PSMD9: variants seen among roughly 807,000 people sequenced by gnomAD.
PSMD9 encodes 26S proteasome non-ATPase regulatory subunit 9.
In PSMD9, 26 loss-of-function variants were observed where a neutral mutation model predicts 25.9. The ratio of observed to expected loss-of-function variants is 1.00; its 90% CI spans 0.73 to 1.39. PSMD9 has a LOEUF of 1.39. Among genes scored for constraint, PSMD9 ranks in the 40% most tolerant of loss-of-function variants. The pLI is 0.00. For missense variants in PSMD9, 303 were observed against 299.3 expected, an observed-to-expected ratio of 1.01 and a Z score of -0.09; for synonymous variants, 110 against 114.5, an observed-to-expected ratio of 0.96 and a Z score of 0.25.
intron 2 of PSMD9, 44 bp downstream of exon 2, chr12:121,894,885 A>G (rs1390638618): frequency 3.3e-6 from 5 of 1,507,864 alleles, no homozygotes; most frequent in Admixed American, 1.8e-5. Flanking sequence ...TGTGGTGGGA[A>G]GGTGTTAAAG....
intron 4 of PSMD9, among the ~76,000 whole-genome samples, chr12:121,911,910 C>T (rs1879734519): frequency 6.6e-6 from 1 of 152,022 alleles, no homozygotes; most frequent in Non-Finnish European, 1.5e-5. Context: ...GCCTTGGCCT[C>T]CCAAAGTGCT....
chr12:121,906,004 C>T (rs961386969), intron 4 of PSMD9, among the ~76,000 whole-genome samples: 1 of 150,426 alleles, frequency 6.6e-6, no homozygotes, highest in African/African-American at 2.5e-5. Flanking sequence ...CCTTTTGAGT[C>T]TGGTGTTCTT....
intron 4 of PSMD9, among the ~76,000 whole-genome samples, chr12:121,909,025 CAG>C (rs766918429): frequency 3.3e-4 from 50 of 152,040 alleles, no homozygotes; most frequent in African/African-American, 9.7e-5. Context: ...TGGGGTGTGA[CAG>C]GGGTAAGAAG....
chr12:121,910,859 C>T, intron 4 of PSMD9: 1 of 433,710 alleles, frequency 2.3e-6, no homozygotes, highest in Admixed American at 2.5e-5. Context: ...CTACCCATCT[C>T]CCATCTCCAA....
chr12:121,913,467 T>C (rs1023426077), intron 4 of PSMD9, among the ~76,000 whole-genome samples: 2 of 151,814 alleles, frequency 1.3e-5, no homozygotes, highest in Admixed American at 6.6e-5. Flanking sequence ...TTATTAGATA[T>C]ATGATTTGCA....
chr12:121,893,257 C>A (rs80355672), intron 1 of PSMD9, among the ~76,000 whole-genome samples: 2 of 152,144 alleles, frequency 1.3e-5, no homozygotes, highest in Non-Finnish European at 2.9e-5. Context: ...AGTGTCACGG[C>A]GAGTCCTGTG....
intron 4 of PSMD9, among the ~76,000 whole-genome samples, chr12:121,906,959 CTG>C (rs1879576498): frequency 2.0e-5 from 2 of 98,246 alleles, no homozygotes; most frequent in African/African-American, 3.3e-5. Flanking sequence ...GAGTGAGGCT[CTG>C]TGTCAAAAAA....
At chr12:121,916,099 C>T in intron 5 of PSMD9, 155 bp downstream of exon 5, 1 of 1,154,078 alleles carries the variant, frequency 8.7e-7, no homozygotes, top group African/African-American at 1.5e-5. Flanking sequence ...AGGAACGAGA[C>T]TACAGCTCTA....
chr12:121,893,451 G>A (rs996247756), intron 1 of PSMD9, among the ~76,000 whole-genome samples: 9 of 152,244 alleles, frequency 5.9e-5, no homozygotes, highest in Admixed American at 2.6e-4. Context: ...TCTGCGCGTA[G>A]TCGTTTTCTG....
intron 3 of PSMD9, among the ~76,000 whole-genome samples, chr12:121,901,485 AC>A (rs1879394424): frequency 6.6e-6 from 1 of 151,754 alleles, no homozygotes. Flanking sequence ...AGCAGCTAGG[AC>A]TGTAGGCACA....
At chr12:121,911,107 T>G (rs912693939) in intron 4 of PSMD9, 2 of 418,588 alleles carry the variant, frequency 4.8e-6, no homozygotes, top group African/African-American at 4.1e-5. Context: ...TGGCTCAATC[T>G]CCACTCACTG....
chr12:121,915,867 T>C lies in PSMD9; in HGVS notation c.567T>C (p.Asn189=), dbSNP rs759498313. Residue 189 remains asparagine, a synonymous_variant, in exon 5 of 6, where the codon AAT becomes AAC. Transcript: ENST00000541212. The part of the protein sequence containing the change: ...VVQHSEGKPL[N]VTVIRRGEKH... ...TATTTTCTTTTCAGAAGCCCCTGAA[T>C]GTGACAGTGATCCGCAGGGGGGAAA... 43 of 1,613,368 alleles carry C rather than the reference T, an allele frequency of 2.7e-5. No individual in the cohort carries two copies. The highest frequency in any genetic ancestry group is 3.1e-5 in the Non-Finnish European group (36 of 1,179,748).
At chr12:121,894,288 C>T (rs1879169858) in intron 1 of PSMD9, 1 of 162,934 alleles carries the variant, frequency 6.1e-6, no homozygotes, top group Non-Finnish European at 1.4e-5. Flanking sequence ...CTGGTGCTAT[C>T]AGTTTCCTTC....
chr12:121,891,039 G>T (rs963777305), intron 1 of PSMD9, among the ~76,000 whole-genome samples: 27 of 139,480 alleles, frequency 1.9e-4, no homozygotes, highest in African/African-American at 6.1e-4. Context: ...CTGAGGCCAG[G>T]ATGGTCTCGA....
At chr12:121,916,022 TG>T in intron 5 of PSMD9, 78 bp downstream of exon 5, 1 of 1,447,612 alleles carries the variant, frequency 6.9e-7, no homozygotes, top group South Asian at 1.2e-5. Flanking sequence ...AGGGGAAGGC[TG>T]GGGAGACATT....
intron 4 of PSMD9, among the ~76,000 whole-genome samples, chr12:121,904,278 A>G (rs1477982236): frequency 7.4e-6 from 1 of 136,042 alleles, no homozygotes; most frequent in Non-Finnish European, 1.6e-5. Flanking sequence ...TTTTTTTTTT[A>G]ATTAAGAAAT....
intron 1 of PSMD9, 32 bp from the exon 2 acceptor site, chr12:121,894,707 G>T: frequency 6.3e-7 from 1 of 1,586,288 alleles, no homozygotes; most frequent in South Asian, 1.1e-5. Flanking sequence ...TTACACCCAT[G>T]AGCACCTTTT....
intron 3 of PSMD9, among the ~76,000 whole-genome samples, chr12:121,901,222 A>G (rs898005264): frequency 1.3e-5 from 2 of 152,050 alleles, no homozygotes; most frequent in African/African-American, 2.4e-5. Flanking sequence ...CCAGTTATCT[A>G]CTTTCTGTCT....
chr12:121,918,063 A>G lies in PSMD9; in HGVS notation c.*1752A>G, dbSNP rs1487873208. On this transcript the variant is annotated 3_prime_UTR_variant, in exon 6 of 6. Coordinates refer to ENST00000541212, the MANE Select transcript of PSMD9 (RefSeq NM_002813.7). This position sits in a 1 kb window ranked among gnomAD's most constrained non-coding sequence, Gnocchi z 4.3. ...TGGCCACCTGTTGCCGTCTTCCATG[A>G]GATGTTAGTGGAGAGCCACTTTGAC... is the stretch of plus-strand genomic sequence containing the variant. 3.9e-5 allele frequency: 6 copies of G among 152,110 alleles called. No individual in the cohort carries two copies. Among genetic ancestry groups the G allele is most frequent in the African/African-American group, 1.4e-4 (6 of 41,416 alleles). 9.4% of individuals were successfully genotyped at this position (152,110 alleles called of 1,614,324 possible).
Sources: gnomAD v4.1 joint callset for allele counts (sites outside exome capture counted in the v4.1 genomes callset) on GRCh38, gnomAD v4.1.1 for gene constraint, Gnocchi (gnomAD v3.1) non-coding constraint, MANE v1.5 for transcripts, NCBI Gene and HGNC (gene_info 2026-07-23, HGNC 2026-07-21) for gene names.